DSE: variants seen among roughly 807,000 people sequenced by gnomAD.
The protein encoded by DSE is dermatan sulfate epimerase.
Under a neutral mutation model 84.4 loss-of-function variants are expected in DSE, and 36 were observed. That is an observed-to-expected ratio of 0.43 (90% CI 0.33 to 0.56). The LOEUF (loss-of-function observed/expected upper bound fraction) is 0.56, where lower values mean the gene tolerates loss of function less well. Among genes scored for constraint, DSE ranks in the 20% least tolerant of loss-of-function variants. The pLI is 0.06. For synonymous variants in DSE, 410 were observed against 430.1 expected (o/e 0.95, Z 0.58); for missense variants, 862 against 1,169.6 (o/e 0.74, Z 3.84).
At chr6:116,375,344 T>C (rs1242521196) in intron 1 of DSE, among the ~76,000 whole-genome samples, 2 of 152,220 alleles carry the variant, frequency 1.3e-5, no homozygotes, top group Non-Finnish European at 2.9e-5. Flanking sequence ...TTGGATAGTA[T>C]GTTTAATTGA....
upstream of DSE, among the ~76,000 whole-genome samples, chr6:116,367,543 GGAC>G (rs1779235139): frequency 6.6e-6 from 1 of 152,184 alleles, no homozygotes; most frequent in African/African-American, 2.4e-5. Context: ...AATAAACTAA[GGAC>G]GACAACAACA....
At position 116,389,374 on chromosome 6, in the gene DSE, C is replaced by CT. The variant is rs544165577; in HGVS notation, c.-53-9812dup. On this transcript the variant is annotated intron_variant, in intron 1 of 5. Transcript: ENST00000644252. ...GTGTTTTGAGGTGAATGATAACTAGCTTTTTTTTTTTTAAACACTTACTAT... is the reference window on the plus strand; with the variant it reads ...GTGTTTTGAGGTGAATGATAACTAGCTTTTTTTTTTTTTAAACACTTACTAT... Among the ~76,000 whole-genome samples, 111 of 145,502 alleles carry CT rather than the reference C, an allele frequency of 7.6e-4. 1 individual carries two copies. Among genetic ancestry groups the CT allele is most frequent in the Admixed American group, 1.3e-3 (19 of 14,550 alleles).
chr6:116,432,998 C>T, intron 4 of DSE: 2 of 222,380 alleles, frequency 9.0e-6, no homozygotes, highest in Non-Finnish European at 9.1e-6. Context: ...GTTCAGAAAC[C>T]CAAACTGCAC....
chr6:116,364,873 G>C (rs996366870), intron 2 of DSE, among the ~76,000 whole-genome samples: 5 of 103,932 alleles, frequency 4.8e-5, no homozygotes, highest in Non-Finnish European at 7.4e-5. Flanking sequence ...CACTCTTGTT[G>C]CCCAGGCTGG....
At chr6:116,321,657 C>T (rs1212337724) in intron 2 of DSE, among the ~76,000 whole-genome samples, 1 of 152,072 alleles carries the variant, frequency 6.6e-6, no homozygotes, top group Non-Finnish European at 1.5e-5. Context: ...GCCTGTAATT[C>T]CAGCTACTCG....
At chr6:116,406,324 G>T (rs1032219572) in intron 2 of DSE, among the ~76,000 whole-genome samples, 1 of 152,116 alleles carries the variant, frequency 6.6e-6, no homozygotes, top group African/African-American at 2.4e-5. Flanking sequence ...ATGAACAAAG[G>T]CAACATGAAT....
chr6:116,433,772 G>C (rs1026179217), intron 5 of DSE, among the ~76,000 whole-genome samples: 2 of 151,942 alleles, frequency 1.3e-5, no homozygotes, highest in Non-Finnish European at 2.9e-5. Context: ...TTAGATACAG[G>C]GGTACATGTG....
chr6:116,324,041 G>A (rs1440848245), intron 2 of DSE, among the ~76,000 whole-genome samples: 1 of 152,108 alleles, frequency 6.6e-6, no homozygotes, highest in African/African-American at 2.4e-5. Context: ...GAGGACAAAA[G>A]AGAAAAGGAA....
At chr6:116,262,188 T>C (rs992734123) in intron 2 of DSE, among the ~76,000 whole-genome samples, 2 of 152,224 alleles carry the variant, frequency 1.3e-5, no homozygotes, top group Non-Finnish European at 2.9e-5. Context: ...TTCTTCTTTG[T>C]ACATCTGGTA....
intron 2 of DSE, among the ~76,000 whole-genome samples, chr6:116,361,074 G>GT (rs1225085215): frequency 1.3e-4 from 19 of 151,620 alleles, no homozygotes; most frequent in East Asian, 7.7e-4. Context: ...TTTTGTTTTT[G>GT]TTTTTTTTGA....
intron 2 of DSE, among the ~76,000 whole-genome samples, chr6:116,324,969 A>G (rs1188673597): frequency 6.6e-6 from 1 of 152,314 alleles, no homozygotes; most frequent in East Asian, 1.9e-4. Flanking sequence ...ACTCCTTTGC[A>G]TAACAGTTGG....
rs1784214804 is a variant in DSE at position 116,437,041 on chromosome 6, A to G, written c.2573A>G (p.Asp858Gly). The G allele has an allele frequency of 6.2e-7, 1 of 1,614,002 alleles. No individual in the cohort carries two copies. The highest frequency in any genetic ancestry group is 8.5e-7 in the Non-Finnish European group (1 of 1,179,996). The change falls in exon 6 of 6, where the codon GAC becomes GGC. Residue 858 changes from aspartate to glycine, a missense_variant. Asp to Gly is a moderately conservative substitution (Grantham distance 94). Transcript: ENST00000644252. Reference sequence around the variant, plus strand: ...ATAGATGAAGATGAAGAAATGAAAGACCTTTTAGATTTTGCAGATGTAACA... The same window carrying G: ...ATAGATGAAGATGAAGAAATGAAAGGCCTTTTAGATTTTGCAGATGTAACA... ...LPIDEDEEMK[D>G]LLDFADVTYE...
At chr6:116,320,158 T>C (rs2114757521) in intron 2 of DSE, among the ~76,000 whole-genome samples, 1 of 152,280 alleles carries the variant, frequency 6.6e-6, no homozygotes, top group Admixed American at 6.5e-5. Context: ...ACAGAAAGAA[T>C]AGACAGCTTT....
intron 2 of DSE, among the ~76,000 whole-genome samples, chr6:116,329,238 C>A (rs2114784744): frequency 6.6e-6 from 1 of 152,264 alleles, no homozygotes; most frequent in Non-Finnish European, 1.5e-5. Context: ...CAGTCAAGTT[C>A]TGTTTCATTT....
chr6:116,371,737 C>T (rs1779595385), intron 1 of DSE, among the ~76,000 whole-genome samples: 1 of 152,348 alleles, frequency 6.6e-6, no homozygotes, highest in South Asian at 2.1e-4. Flanking sequence ...ATCCCCGAGG[C>T]AGTCCCGGGG....
chr6:116,287,593 A>G (rs1377707526), intron 2 of DSE, among the ~76,000 whole-genome samples: 2 of 152,104 alleles, frequency 1.3e-5, no homozygotes, highest in Non-Finnish European at 2.9e-5. Context: ...CAGTGTAAAC[A>G]TGTTTAGTGT....
At chr6:116,263,991 T>A (rs1243341454) in intron 2 of DSE, among the ~76,000 whole-genome samples, 1 of 152,236 alleles carries the variant, frequency 6.6e-6, no homozygotes, top group Non-Finnish European at 1.5e-5. Flanking sequence ...CTTCCCTTTG[T>A]AGGCAATCTG....
At chr6:116,269,946 C>A (rs1290654268) in intron 2 of DSE, among the ~76,000 whole-genome samples, 2 of 151,882 alleles carry the variant, frequency 1.3e-5, no homozygotes, top group African/African-American at 4.8e-5. Flanking sequence ...AATCACATTC[C>A]AATTAAACAT....
intron 2 of DSE, among the ~76,000 whole-genome samples, chr6:116,319,803 C>G (rs1337796400): frequency 6.6e-6 from 1 of 152,106 alleles, no homozygotes; most frequent in Non-Finnish European, 1.5e-5. Flanking sequence ...TCATGTTGGT[C>G]AACTCATCCA....
Sources: allele counts gnomAD v4.1 joint callset (sites outside exome capture counted in the v4.1 genomes callset), GRCh38; gene constraint gnomAD v4.1.1; transcripts MANE v1.5; gene names NCBI Gene and HGNC (gene_info 2026-07-23, HGNC 2026-07-21).